CLASP1: variants seen among roughly 807,000 people sequenced by gnomAD.
CLASP1 encodes CLIP-associating protein 1.
CLASP1 carries 38 observed loss-of-function variants against 192.3 expected under a neutral mutation model. That is an observed-to-expected ratio of 0.20 (90% CI 0.15 to 0.26). The LOEUF (loss-of-function observed/expected upper bound fraction) is 0.26, where lower values mean the gene tolerates loss of function less well. Among genes scored for constraint, CLASP1 ranks in the 10% least tolerant of loss-of-function variants. The probability of loss-of-function intolerance (pLI) is 1.00; values close to 1 mark genes in which losing one functional copy is unlikely to be tolerated. For synonymous variants in CLASP1, 691 were observed against 712.8 expected (o/e 0.97, Z 0.49); for missense variants, 1,433 against 1,932.5 (o/e 0.74, Z 4.85).
intron 7 of CLASP1, among the ~76,000 whole-genome samples, chr2:121,513,592 G>A (rs1356638276): frequency 1.3e-5 from 2 of 152,146 alleles, no homozygotes; most frequent in African/African-American, 4.8e-5. Context: ...AGGCTTACTG[G>A]TTCACTAGGA....
chr2:121,624,755 G>A (rs1442030567), intron 1 of CLASP1, among the ~76,000 whole-genome samples: 1 of 152,042 alleles, frequency 6.6e-6, no homozygotes. Flanking sequence ...TTCAATTTTG[G>A]TAAAACATAC....
At position 121,586,593 on chromosome 2, in the gene CLASP1, C is replaced by T. The variant is rs116220820; in HGVS notation, c.195+19108G>A. ...ATGCCATACCAGATTTTTCTCTATG[C>T]GTTGGCATAAGGTTTTCTTAAACTA... is the stretch of plus-strand genomic sequence containing the variant. On this transcript the variant is annotated intron_variant, in intron 2 of 39. Coordinates refer to ENST00000263710, the Ensembl canonical transcript of CLASP1. Among the ~76,000 whole-genome samples, 961 of 152,118 alleles carry T rather than the reference C, an allele frequency of 6.3e-3. 16 individuals are homozygous for T. Among genetic ancestry groups the T allele is most frequent in the African/African-American group, 0.022 (928 of 41,486 alleles).
chr2:121,525,501 A>AC (rs1333121064), intron 6 of CLASP1, among the ~76,000 whole-genome samples: 1 of 150,950 alleles, frequency 6.6e-6, no homozygotes, highest in Non-Finnish European at 1.5e-5. Flanking sequence ...CTGCACCTCC[A>AC]CCCCCGGCAC....
intron 2 of CLASP1, among the ~76,000 whole-genome samples, chr2:121,551,303 C>G (rs753476568): frequency 3.3e-5 from 5 of 152,196 alleles, no homozygotes; most frequent in Non-Finnish European, 5.9e-5. Context: ...GACAAGGATG[C>G]TCACTCTTAC....
At chr2:121,389,223 T>G (rs2073903555) in intron 30 of CLASP1, among the ~76,000 whole-genome samples, 1 of 152,126 alleles carries the variant, frequency 6.6e-6, no homozygotes, top group African/African-American at 2.4e-5. Context: ...TCAAATACAG[T>G]CATTAATACC....
chr2:121,579,380 C>T (rs1239864317), intron 2 of CLASP1, among the ~76,000 whole-genome samples: 2 of 152,158 alleles, frequency 1.3e-5, no homozygotes, highest in African/African-American at 2.4e-5. Context: ...TGTACAACTC[C>T]GTAATTTACA....
intron 23 of CLASP1, among the ~76,000 whole-genome samples, chr2:121,417,852 C>A (rs1045470763): frequency 6.6e-6 from 1 of 152,100 alleles, no homozygotes; most frequent in African/African-American, 2.4e-5. Context: ...TTCAAAAGAC[C>A]AGTTACATAA....
chr2:121,371,678 G>A (rs1178867909), intron 34 of CLASP1, among the ~76,000 whole-genome samples: 1 of 152,104 alleles, frequency 6.6e-6, no homozygotes, highest in African/African-American at 2.4e-5. Flanking sequence ...ACCGGCAGTG[G>A]GAACACGCTC....
intron 14 of CLASP1, among the ~76,000 whole-genome samples, chr2:121,457,352 C>T (rs529980378): frequency 6.6e-6 from 1 of 151,786 alleles, no homozygotes; most frequent in African/African-American, 2.4e-5. Context: ...TAGGGCAGAC[C>T]GATGACAAAG....
intron 2 of CLASP1, among the ~76,000 whole-genome samples, chr2:121,597,513 C>T (rs959128909): frequency 6.6e-6 from 1 of 151,972 alleles, no homozygotes; most frequent in South Asian, 2.1e-4. Context: ...GAATAGAATC[C>T]GGGGCAGCAA....
At chr2:121,630,782 T>C (rs1436014402) in intron 1 of CLASP1, among the ~76,000 whole-genome samples, 1 of 149,990 alleles carries the variant, frequency 6.7e-6, no homozygotes, top group East Asian at 2.0e-4. Flanking sequence ...GAGAATCGCT[T>C]GAACCCAGCA....
At chr2:121,523,656 C>T (rs558531625) in intron 6 of CLASP1, among the ~76,000 whole-genome samples, 1 of 152,314 alleles carries the variant, frequency 6.6e-6, no homozygotes, top group South Asian at 2.1e-4. Context: ...ACACCGAGTC[C>T]ATGATCTTTT....
intron 1 of CLASP1, among the ~76,000 whole-genome samples, chr2:121,614,416 A>G (rs1394633238): frequency 6.6e-6 from 1 of 152,134 alleles, no homozygotes; most frequent in Non-Finnish European, 1.5e-5. Context: ...AAATCACTTG[A>G]GCCTGGGAGG....
intron 2 of CLASP1, among the ~76,000 whole-genome samples, chr2:121,597,622 T>C (rs2063292070): frequency 6.6e-6 from 1 of 152,208 alleles, no homozygotes; most frequent in African/African-American, 2.4e-5. Flanking sequence ...TCAGGTCAAA[T>C]GGCAAATTAG....
intron 25 of CLASP1, among the ~76,000 whole-genome samples, chr2:121,404,764 G>C (rs943650588): frequency 1.3e-5 from 2 of 152,196 alleles, no homozygotes; most frequent in African/African-American, 4.8e-5. Context: ...ATTTTAAGAT[G>C]AGGAAACTAA....
intron 37 of CLASP1, among the ~76,000 whole-genome samples, chr2:121,360,074 T>C (rs1451054743): frequency 6.6e-6 from 1 of 152,224 alleles, no homozygotes; most frequent in East Asian, 1.9e-4. Context: ...AAGCTGTCCT[T>C]CCTCGCTGCA....
At chr2:121,563,805 T>C (rs1235890026) in intron 2 of CLASP1, among the ~76,000 whole-genome samples, 3 of 152,190 alleles carry the variant, frequency 2.0e-5, no homozygotes, top group South Asian at 2.1e-4. Context: ...TGAAAGTTCA[T>C]TGTATTCATT....
chr2:121,392,239 T>A (rs2074488039), intron 30 of CLASP1, among the ~76,000 whole-genome samples: 1 of 152,212 alleles, frequency 6.6e-6, no homozygotes, highest in African/African-American at 2.4e-5. Context: ...AATTCCAAAA[T>A]GTAAACATAT....
intron 19 of CLASP1, among the ~76,000 whole-genome samples, chr2:121,437,090 G>A (rs951190051): frequency 6.6e-6 from 1 of 151,968 alleles, no homozygotes; most frequent in Non-Finnish European, 1.5e-5. Flanking sequence ...AGCCTCACAA[G>A]TATCTGGGGC....
Sources: gnomAD v4.1 joint callset for allele counts (sites outside exome capture counted in the v4.1 genomes callset) on GRCh38, gnomAD v4.1.1 for gene constraint, MANE v1.5 for transcripts, NCBI Gene and HGNC (gene_info 2026-07-23, HGNC 2026-07-21) for gene names.